The following UEVLD variants were observed in gnomAD, a reference collection of about 807,000 sequenced individuals.
The protein encoded by UEVLD is UEV and lactate/malate dehyrogenase domains, also known as ubiquitin-conjugating enzyme E2 variant 3.
Under a neutral mutation model 58.6 loss-of-function variants are expected in UEVLD, and 47 were observed. That is an observed-to-expected ratio of 0.80 (90% CI 0.63 to 1.02). The LOEUF (loss-of-function observed/expected upper bound fraction) is 1.02, where lower values mean the gene tolerates loss of function less well. UEVLD is among the 50% of genes least tolerant of loss of function. The probability of loss-of-function intolerance (pLI) is 0.00; values close to 1 mark genes in which losing one functional copy is unlikely to be tolerated. For synonymous variants in UEVLD, 197 were observed against 195.3 expected, an observed-to-expected ratio of 1.01 and a Z score of -0.07; for missense variants, 510 against 550.6, an observed-to-expected ratio of 0.93 and a Z score of 0.74.
At chr11:18,573,994 C>T (rs1852770367) in intron 3 of UEVLD, among the ~76,000 whole-genome samples, 1 of 152,156 alleles carries the variant, frequency 6.6e-6, no homozygotes, top group Non-Finnish European at 1.5e-5. Context: ...GTTTCAAATG[C>T]CCCAGTAAGC....
At chr11:18,536,935 G>GC (rs1173444049) in intron 9 of UEVLD, among the ~76,000 whole-genome samples, 1 of 134,916 alleles carries the variant, frequency 7.4e-6, no homozygotes. Context: ...TTGCTCTGTC[G>GC]CCCAGGCTGT....
At chr11:18,562,014 AT>A (rs1852060900) in intron 6 of UEVLD, among the ~76,000 whole-genome samples, 1 of 152,196 alleles carries the variant, frequency 6.6e-6, no homozygotes, top group Admixed American at 6.5e-5. Flanking sequence ...TATGAGTACT[AT>A]CACTGTTGCA....
rs145569093 is a variant in UEVLD at position 18,541,285 on chromosome 11, C to A, written c.1060+3338G>T. ...CCAGTAGTTAAAAAGAATGAATGAGCTCTATGTTACTGTGCAATCATTCCA... is the reference window on the plus strand; with the variant it reads ...CCAGTAGTTAAAAAGAATGAATGAGATCTATGTTACTGTGCAATCATTCCA... On this transcript the variant is annotated intron_variant, in intron 9 of 11. Coordinates refer to ENST00000396197, the MANE Select transcript of UEVLD (RefSeq NM_001040697.4). Among the ~76,000 whole-genome samples, 1,108 of 152,230 alleles carry A rather than the reference C, an allele frequency of 7.3e-3. 14 individuals carry two copies. The highest frequency in any genetic ancestry group is 0.025 in the African/African-American group (1,056 of 41,524).
intron 3 of UEVLD, among the ~76,000 whole-genome samples, chr11:18,571,068 G>T (rs1852584528): frequency 6.6e-6 from 1 of 151,824 alleles, no homozygotes; most frequent in Non-Finnish European, 1.5e-5. Flanking sequence ...AATGTCTATT[G>T]AAGGCCGGGC....
At chr11:18,558,762 G>A (rs908311877) in intron 6 of UEVLD, among the ~76,000 whole-genome samples, 1 of 149,308 alleles carries the variant, frequency 6.7e-6, no homozygotes. Flanking sequence ...CAGCCTGGGC[G>A]ATAGAGCGAG....
chr11:18,554,130 C>T (rs180969768), intron 7 of UEVLD, among the ~76,000 whole-genome samples: 1 of 152,010 alleles, frequency 6.6e-6, no homozygotes, highest in Non-Finnish European at 1.5e-5. Context: ...GCTCTTGTTG[C>T]CCCCAGGATG....
intron 11 of UEVLD, among the ~76,000 whole-genome samples, chr11:18,533,065 T>C (rs1351565353): frequency 9.3e-5 from 14 of 150,002 alleles, no homozygotes; most frequent in Non-Finnish European, 1.5e-4. Context: ...TTCTTTTCTT[T>C]TTTTTTTTTT....
chr11:18,565,900 CT>C lies in UEVLD; in HGVS notation c.493+446del, dbSNP rs1178580117. Among the ~76,000 whole-genome samples, 758 of 135,808 alleles carry C rather than the reference CT, an allele frequency of 5.6e-3. 10 individuals carry two copies. The highest frequency in any genetic ancestry group is 0.017 in the African/African-American group (635 of 36,868). The allele number at this position is 135,808 out of a possible 152,430, so 89.1% of individuals were successfully genotyped here. ...AAGGCAAAGGAATTACTTTTTTTTT[CT>C]TTTTTTTTTTTTTTTGAGATGGAGT... On this transcript the variant is annotated intron_variant, in intron 5 of 11. Coordinates refer to ENST00000396197, the MANE Select transcript of UEVLD (RefSeq NM_001040697.4).
chr11:18,571,689 A>G (rs550019871), intron 3 of UEVLD, among the ~76,000 whole-genome samples: 1 of 152,318 alleles, frequency 6.6e-6, no homozygotes, highest in Non-Finnish European at 1.5e-5. Context: ...GGATGTAAAC[A>G]AAGTTTAGAT....
At chr11:18,572,231 G>A (rs1852662755) in intron 3 of UEVLD, among the ~76,000 whole-genome samples, 1 of 151,722 alleles carries the variant, frequency 6.6e-6, no homozygotes, top group African/African-American at 2.4e-5. Flanking sequence ...GCGAGACTCC[G>A]TCTCAAAAAA....
intron 1 of UEVLD, among the ~76,000 whole-genome samples, chr11:18,582,785 AC>A (rs371790278): frequency 2.0e-5 from 3 of 152,244 alleles, no homozygotes; most frequent in African/African-American, 7.2e-5. Flanking sequence ...CAGGTACTTC[AC>A]TAAAGAAGAA....
At position 18,578,818 on chromosome 11, in the gene UEVLD, G is replaced by C; in HGVS notation, c.43-10C>G. ...GGTCCCTGAACTTGTACTGAAAAGAGAAAAATAAGCATGGAGTAAGAATAA... is the reference window on the plus strand; with the variant it reads ...GGTCCCTGAACTTGTACTGAAAAGACAAAAATAAGCATGGAGTAAGAATAA... On this transcript the variant is annotated splice_polypyrimidine_tract_variant and intron_variant, in intron 1 of 11. Coordinates refer to ENST00000396197, the MANE Select transcript of UEVLD (RefSeq NM_001040697.4). 6.4e-7 allele frequency: 1 copy of C among 1,557,648 alleles called. No homozygotes were observed. The highest frequency in any genetic ancestry group is 1.4e-5 in the African/African-American group (1 of 72,482).
intron 6 of UEVLD, among the ~76,000 whole-genome samples, chr11:18,563,450 G>A (rs116734008): frequency 0.017 from 2,571 of 152,156 alleles, 61 homozygotes; most frequent in African/African-American, 0.058. Flanking sequence ...GAATTAGTGG[G>A]GATGGTTGCT....
At chr11:18,565,254 G>T (rs1004974137) in intron 5 of UEVLD, among the ~76,000 whole-genome samples, 1 of 151,844 alleles carries the variant, frequency 6.6e-6, no homozygotes, top group Non-Finnish European at 1.5e-5. Context: ...TTAAAATATT[G>T]TATAAGACTC....
chr11:18,568,819 A>C lies in UEVLD; in HGVS notation c.357+1395T>G, dbSNP rs1417952218. ...TATAAAATAAAAAGTGATAATCCTA[A>C]GGCATTCTTTACTCCAACCTCACTG... On this transcript the variant is annotated intron_variant, in intron 4 of 11. Transcript: ENST00000396197. Among the ~76,000 whole-genome samples the C allele has an allele frequency of 2.0e-5, 3 of 152,260 alleles. No homozygotes were observed. In the East Asian group the frequency reaches 5.8e-4, roughly 29 times the overall value.
rs774492115 is a variant in UEVLD, at chr11:18,546,860, T to C, written c.886+20A>G. 6.2e-7 allele frequency: 1 copy of C among 1,609,986 alleles called. No individual in the cohort carries two copies. The highest frequency in any genetic ancestry group is 8.5e-7 in the Non-Finnish European group (1 of 1,179,136). The stretch of plus-strand genomic sequence containing the variant: ...CTGATGTACTGGACCATCAACTTAA[T>C]TTAAAATAAAGCATTTTACCTGGTT... On this transcript the variant is annotated intron_variant, in intron 8 of 11. Coordinates refer to ENST00000396197, the MANE Select transcript of UEVLD (RefSeq NM_001040697.4).
At chr11:18,559,159 C>G (rs557891239) in intron 6 of UEVLD, among the ~76,000 whole-genome samples, 3 of 151,982 alleles carry the variant, frequency 2.0e-5, no homozygotes, top group Non-Finnish European at 2.9e-5. Context: ...CAGGTGTGAG[C>G]CACCGTGCCC....
At chr11:18,583,417 T>C (rs1326249453) in intron 1 of UEVLD, among the ~76,000 whole-genome samples, 2 of 146,702 alleles carry the variant, frequency 1.4e-5, no homozygotes, top group Admixed American at 6.8e-5. Flanking sequence ...TGGGGTTTCA[T>C]CGTGTTGGCC....
chr11:18,576,162 AC>A (rs1211885528), intron 2 of UEVLD, among the ~76,000 whole-genome samples: 1 of 152,240 alleles, frequency 6.6e-6, no homozygotes, highest in Non-Finnish European at 1.5e-5. Context: ...ATAGTTTAAA[AC>A]AAAGACAATA....
Sources: gnomAD v4.1 joint callset for allele counts (sites outside exome capture counted in the v4.1 genomes callset) on GRCh38, gnomAD v4.1.1 for gene constraint, MANE v1.5 for transcripts, NCBI Gene and HGNC (gene_info 2026-07-23, HGNC 2026-07-21) for gene names.